AIG1: variants seen among roughly 807,000 people sequenced by gnomAD.
AIG1 encodes the protein androgen-induced gene 1 protein.
A neutral mutation model predicts 31.4 loss-of-function variants in AIG1; 23 were observed. The ratio of observed to expected loss-of-function variants is 0.73; its 90% CI spans 0.53 to 1.04. The LOEUF (loss-of-function observed/expected upper bound fraction) is 1.04. AIG1 is among the 50% of genes least tolerant of loss of function. The probability of loss-of-function intolerance (pLI) is 0.00; values close to 1 mark genes in which losing one functional copy is unlikely to be tolerated. For synonymous variants in AIG1, 100 were observed against 110.5 expected, an observed-to-expected ratio of 0.90 and a Z score of 0.60; for missense variants, 274 against 295.0, an observed-to-expected ratio of 0.93 and a Z score of 0.52.
chr6:143,059,764 T>G (rs939998464), upstream of AIG1, among the ~76,000 whole-genome samples: 9 of 152,212 alleles, frequency 5.9e-5, no homozygotes, highest in Admixed American at 2.6e-4. Flanking sequence ...ACTCAGAGAC[T>G]ATTTGAAGAG....
intron 4 of AIG1, among the ~76,000 whole-genome samples, chr6:143,300,287 A>G (rs895974859): frequency 1.3e-5 from 2 of 152,226 alleles, no homozygotes; most frequent in African/African-American, 2.4e-5. Flanking sequence ...TTGTCAAAAC[A>G]TACTTGTTTG....
At chr6:143,236,055 A>C (rs1793781683) in intron 3 of AIG1, among the ~76,000 whole-genome samples, 1 of 152,206 alleles carries the variant, frequency 6.6e-6, no homozygotes, top group Non-Finnish European at 1.5e-5. Flanking sequence ...TTTCGGGTAT[A>C]TATACTGAAC....
intron 1 of AIG1, among the ~76,000 whole-genome samples, chr6:143,070,402 A>G (rs1343470989): frequency 6.6e-6 from 1 of 152,092 alleles, no homozygotes; most frequent in African/African-American, 2.4e-5. Context: ...TGTTAGGTTT[A>G]TACCTATTTT....
At chr6:143,151,942 G>A (rs1477175858) in intron 2 of AIG1, among the ~76,000 whole-genome samples, 1 of 152,164 alleles carries the variant, frequency 6.6e-6, no homozygotes, top group Non-Finnish European at 1.5e-5. Flanking sequence ...TTCTTGGGTG[G>A]CCAGAGAACC....
At chr6:143,233,967 A>G (rs1288335423) in intron 3 of AIG1, among the ~76,000 whole-genome samples, 1 of 152,158 alleles carries the variant, frequency 6.6e-6, no homozygotes, top group Non-Finnish European at 1.5e-5. Flanking sequence ...AATTATTAGA[A>G]AGTCTTTTCT....
intron 1 of AIG1, among the ~76,000 whole-genome samples, chr6:143,125,957 C>A (rs1426758792): frequency 6.6e-6 from 1 of 152,160 alleles, no homozygotes; most frequent in African/African-American, 2.4e-5. Flanking sequence ...AATATCTATG[C>A]ACAAAAGCAG....
intron 1 of AIG1, among the ~76,000 whole-genome samples, chr6:143,086,901 A>T (rs113715128): frequency 0.026 from 3,970 of 152,206 alleles, 146 homozygotes; most frequent in African/African-American, 0.091. Context: ...TTATGCCGGG[A>T]GTTCAGGACG....
At chr6:143,221,419 A>T (rs1792504286) in intron 3 of AIG1, among the ~76,000 whole-genome samples, 1 of 150,426 alleles carries the variant, frequency 6.6e-6, no homozygotes, top group South Asian at 2.1e-4. Flanking sequence ...TTTAGTCCAA[A>T]CTACACTGTG....
intron 3 of AIG1, among the ~76,000 whole-genome samples, chr6:143,224,962 T>C (rs1419927226): frequency 6.6e-6 from 1 of 152,204 alleles, no homozygotes; most frequent in African/African-American, 2.4e-5. Context: ...TGAGTGCCCA[T>C]TGCCCGCTTA....
intron 3 of AIG1, among the ~76,000 whole-genome samples, chr6:143,275,540 T>C (rs1193625540): frequency 6.6e-6 from 1 of 152,132 alleles, no homozygotes; most frequent in Non-Finnish European, 1.5e-5. Context: ...CTTCATCCTC[T>C]TTCATGTCTT....
intron 1 of AIG1, among the ~76,000 whole-genome samples, chr6:143,070,076 C>G (rs1202072878): frequency 6.6e-6 from 1 of 152,200 alleles, no homozygotes; most frequent in Non-Finnish European, 1.5e-5. Context: ...TTGATTGCAG[C>G]TTTATAGTAA....
At chr6:143,265,343 A>T (rs1796083707) in intron 3 of AIG1, among the ~76,000 whole-genome samples, 1 of 152,232 alleles carries the variant, frequency 6.6e-6, no homozygotes, top group Non-Finnish European at 1.5e-5. Flanking sequence ...TCATGAAAGC[A>T]TTTATATTCA....
chr6:143,250,272 G>A (rs541953056), intron 3 of AIG1, among the ~76,000 whole-genome samples: 1 of 152,300 alleles, frequency 6.6e-6, no homozygotes, highest in South Asian at 2.1e-4. Context: ...TTCTTCTGTG[G>A]AATCTCCTGG....
rs578065407 is a variant in AIG1, at chr6:143,089,464, C to T, written c.141+28398C>T. On this transcript the variant is annotated intron_variant, in intron 1 of 5. Transcript: ENST00000357847. ...AAGCTTCTATTTTGTTTGTTTCATA[C>T]GTTACACAGGAATATAATAGTACCT... 4.7e-4 allele frequency among the ~76,000 whole-genome samples: 72 copies of T among 152,080 alleles called. 1 individual carries two copies. The highest frequency in any genetic ancestry group is 1.6e-3 in the African/African-American group (67 of 41,460).
chr6:143,293,625 C>A lies in AIG1; in HGVS notation c.515+9400C>A, dbSNP rs1489620630. Among the ~76,000 whole-genome samples the A allele has an allele frequency of 2.0e-5, 3 of 152,102 alleles. No individual in the cohort carries two copies. Among genetic ancestry groups the A allele is most frequent in the African/African-American group, 7.2e-5 (3 of 41,398 alleles). On this transcript the variant is annotated intron_variant, in intron 4 of 5. Transcript: ENST00000357847. The surrounding 1 kb of genome is among the most constrained non-coding windows in gnomAD (Gnocchi z 4.8). ...CTTGTGTATATAATCTGTCTCAATC[C>A]CCAGTATTTATTATTCTGAGTTTTT...
chr6:143,189,128 T>A, intron 3 of AIG1: 1 of 637,176 alleles, frequency 1.6e-6, no homozygotes, highest in Non-Finnish European at 2.0e-6. Flanking sequence ...ACCACACCCT[T>A]AAACTGCAGG....
chr6:143,342,782 T>C, downstream of AIG1: 1 of 809,126 alleles, frequency 1.2e-6, no homozygotes, highest in Non-Finnish European at 2.2e-6. Flanking sequence ...GTCCTTGTAT[T>C]CTGTTTGTGG....
At chr6:143,189,054 G>A in intron 3 of AIG1, 3 of 965,078 alleles carry the variant, frequency 3.1e-6, no homozygotes, top group Non-Finnish European at 3.7e-6. Flanking sequence ...TTATTTTTTG[G>A]AGACTTTTTA....
At chr6:143,148,877 G>C (rs1172209956) in intron 2 of AIG1, among the ~76,000 whole-genome samples, 2 of 151,940 alleles carry the variant, frequency 1.3e-5, no homozygotes, top group African/African-American at 2.4e-5. Context: ...CCTTTACTAT[G>C]TTTAGGTGTG....
Sources: gnomAD v4.1 joint callset for allele counts (sites outside exome capture counted in the v4.1 genomes callset) on GRCh38, gnomAD v4.1.1 for gene constraint, Gnocchi (gnomAD v3.1) non-coding constraint, MANE v1.5 for transcripts, NCBI Gene and HGNC (gene_info 2026-07-23, HGNC 2026-07-21) for gene names.